PPP1CC: variants seen among roughly 807,000 people sequenced by gnomAD.
PPP1CC encodes protein phosphatase 1 catalytic subunit gamma, also known as serine/threonine-protein phosphatase PP1-gamma catalytic subunit.
PPP1CC carries 16 observed loss-of-function variants against 38.4 expected under a neutral mutation model. The ratio of observed to expected loss-of-function variants is 0.42; its 90% confidence interval spans 0.28 to 0.63. The LOEUF (loss-of-function observed/expected upper bound fraction) is 0.63. Among genes scored for constraint, PPP1CC ranks in the 30% least tolerant of loss-of-function variants. The pLI, the probability that PPP1CC is intolerant of heterozygous loss-of-function variation, is 0.25. For synonymous variants in PPP1CC, 158 were observed against 136.0 expected, an observed-to-expected ratio of 1.16 and a Z score of -1.13; for missense variants, 170 against 391.3, an observed-to-expected ratio of 0.43 and a Z score of 4.77.
chr12:110,709,044 A>T, the PPP1CC span, among the ~76,000 whole-genome samples: 2 of 152,012 alleles, frequency 1.3e-5, no homozygotes, highest in African/African-American at 2.4e-5. Context: ...TCTGTCAAAA[A>T]ATCACAACAC....
In PPP1CC at chr12:110,732,438, A is replaced by C. The variant is rs181390964; in HGVS notation, c.56-537T>G. ...GGAAAGAAAAGAAAAGAAAAGAAAC[A>C]GGATTGGAAATACTCAGAACCCTCC... is the stretch of plus-strand genomic sequence containing the variant. On this transcript the variant is annotated intron_variant, in intron 1 of 6. Coordinates refer to ENST00000335007, the MANE Select transcript of PPP1CC (RefSeq NM_002710.4). The C allele has an allele frequency of 6.4e-4, 98 of 153,926 alleles. 1 individual carries two copies. Among genetic ancestry groups the C allele is most frequent in the Non-Finnish European group, 1.1e-3 (79 of 69,284 alleles). The allele number at this position is 153,926 out of a possible 1,614,324, so 9.5% of individuals were successfully genotyped here. A position where few individuals can be genotyped will look rare whatever the true frequency, so the allele number is the denominator to read the frequency against.
At position 110,722,752 on chromosome 12, in the gene PPP1CC, C is replaced by A; in HGVS notation, c.524-57G>T. On this transcript the variant is annotated intron_variant, in intron 4 of 6. Transcript: ENST00000335007. The surrounding 1 kb of genome is among the most constrained non-coding windows in gnomAD (Gnocchi z 5.4). ...AAGCAGAACTTTTAAAAGGATACTA[C>A]CCCTTCAAAAGTTCCATTTGTCTAC... 1 of 1,333,556 alleles carries A rather than the reference C, an allele frequency of 7.5e-7. No homozygotes were observed. Among genetic ancestry groups the A allele is most frequent in the Non-Finnish European group, 1.0e-6 (1 of 976,378 alleles). The allele number at this position is 1,333,556 out of a possible 1,614,324, so 82.6% of individuals were successfully genotyped here. A position where few individuals can be genotyped will look rare whatever the true frequency, so the allele number is the denominator to read the frequency against.
chr12:110,737,118 C>T (rs1219098371), intron 1 of PPP1CC, among the ~76,000 whole-genome samples: 1 of 152,140 alleles, frequency 6.6e-6, no homozygotes, highest in Non-Finnish European at 1.5e-5. Flanking sequence ...ATACTTCCAA[C>T]ATTAAGCATT....
At chr12:110,729,472 C>T (rs1165537185) in intron 3 of PPP1CC, among the ~76,000 whole-genome samples, 1 of 152,160 alleles carries the variant, frequency 6.6e-6, no homozygotes, top group Non-Finnish European at 1.5e-5. Flanking sequence ...GGATTACAGG[C>T]GTGAGCCACT....
chr12:110,730,443 C>T (rs2069859260), intron 3 of PPP1CC, 86 bp downstream of exon 3: 2 of 1,098,680 alleles, frequency 1.8e-6, no homozygotes, highest in South Asian at 3.1e-5. Context: ...TAAACTCTCA[C>T]AATTCCTAAC....
intron 1 of PPP1CC, chr12:110,732,329 G>A (rs1367910767): frequency 1.5e-5 from 3 of 201,534 alleles, no homozygotes; most frequent in African/African-American, 4.6e-5. Context: ...CCCGGGAGGC[G>A]GAGGTTGCAG....
chr12:110,728,370 C>CA (rs1387562426), intron 3 of PPP1CC, among the ~76,000 whole-genome samples: 1 of 148,652 alleles, frequency 6.7e-6, no homozygotes, highest in Non-Finnish European at 1.5e-5. Flanking sequence ...TGCACTCCAG[C>CA]CTGGGCGACA....
chr12:110,741,736 CACTA>C (rs555051472), intron 1 of PPP1CC, among the ~76,000 whole-genome samples: 67 of 152,318 alleles, frequency 4.4e-4, no homozygotes, highest in African/African-American at 6.7e-4. Flanking sequence ...ATCCAACTGT[CACTA>C]ACTGTGTGAC....
intron 1 of PPP1CC, among the ~76,000 whole-genome samples, chr12:110,742,343 G>A (rs2070027030): frequency 1.3e-5 from 2 of 152,162 alleles, no homozygotes; most frequent in South Asian, 2.1e-4. Context: ...CAGTGCGCGG[G>A]GGCAAACGGG....
At chr12:110,729,352 G>A (rs937404047) in intron 3 of PPP1CC, among the ~76,000 whole-genome samples, 2 of 152,056 alleles carry the variant, frequency 1.3e-5, no homozygotes, top group Admixed American at 6.5e-5. Flanking sequence ...CTGCCACCAC[G>A]CCTGGCTAAT....
chr12:110,737,799 T>G (rs1239124320), intron 1 of PPP1CC, among the ~76,000 whole-genome samples: 1 of 151,648 alleles, frequency 6.6e-6, no homozygotes, highest in Non-Finnish European at 1.5e-5. Context: ...GAAAAAAAAA[T>G]TAGCCAGGTG....
chr12:110,714,310 T>C, the PPP1CC span, among the ~76,000 whole-genome samples: 1 of 152,030 alleles, frequency 6.6e-6, no homozygotes, highest in Non-Finnish European at 1.5e-5. Flanking sequence ...CCAATGGCCC[T>C]AGAACAGTGA....
At position 110,721,048 on chromosome 12, in the gene PPP1CC, T is replaced by C. The variant is rs1480386718; in HGVS notation, c.*28A>G. On this transcript the variant is annotated 3_prime_UTR_variant, in exon 7 of 7. Transcript: ENST00000335007. Reference sequence around the variant, plus strand: ...AAGGTTATATACTCTATGTTACAAGTCCCGACTAGGCAGTGTCAAAACGAC... The same window carrying C: ...AAGGTTATATACTCTATGTTACAAGCCCCGACTAGGCAGTGTCAAAACGAC... 1 of 1,595,490 alleles carries C rather than the reference T, an allele frequency of 6.3e-7. No homozygotes were observed. The highest frequency in any genetic ancestry group is 1.3e-5 in the African/African-American group (1 of 74,474).
In PPP1CC at chr12:110,719,688, T is replaced by C. The variant is rs2069716307; in HGVS notation, c.*1388A>G. ...AATGGTAGAGGAGGATCGTTCCACCTCATCACTCTATTACACAAATAGATG... is the reference window on the plus strand; with the variant it reads ...AATGGTAGAGGAGGATCGTTCCACCCCATCACTCTATTACACAAATAGATG... On this transcript the variant is annotated 3_prime_UTR_variant, in exon 7 of 7. Coordinates refer to ENST00000335007, the MANE Select transcript of PPP1CC (RefSeq NM_002710.4). 6.5e-6 allele frequency: 1 copy of C among 154,500 alleles called. No individual in the cohort carries two copies. Among genetic ancestry groups the C allele is most frequent in the Admixed American group, 6.5e-5 (1 of 15,500 alleles). 9.6% of individuals were successfully genotyped at this position (154,500 alleles called of 1,614,324 possible).
chr12:110,727,809 T>C (rs113317625), intron 3 of PPP1CC, among the ~76,000 whole-genome samples: 11 of 152,280 alleles, frequency 7.2e-5, no homozygotes, highest in African/African-American at 2.6e-4. Flanking sequence ...GGCACTTTCA[T>C]GCCCACAAGT....
Position 110,722,812 on chromosome 12 carries a change from A to C in PPP1CC, c.524-117T>G. On this transcript the variant is annotated intron_variant, in intron 4 of 6. Transcript: ENST00000335007. This position sits in a 1 kb window ranked among gnomAD's most constrained non-coding sequence, Gnocchi z 5.4. ...CAATAATCCTGACATAAAAACTGAAATCTATGATTATATTTTATTTACTTT... is the reference window on the plus strand; with the variant it reads ...CAATAATCCTGACATAAAAACTGAACTCTATGATTATATTTTATTTACTTT... The C allele has an allele frequency of 1.3e-6, 1 of 755,668 alleles. No homozygotes were observed. Among genetic ancestry groups the C allele is most frequent in the Non-Finnish European group, 2.1e-6 (1 of 483,694 alleles). 46.8% of individuals were successfully genotyped at this position (755,668 alleles called of 1,614,324 possible).
intron 3 of PPP1CC, 121 bp from the exon 4 acceptor site, chr12:110,724,885 T>G: frequency 1.9e-6 from 1 of 528,274 alleles, no homozygotes. Context: ...AATGAAACTA[T>G]GTTTTTATTA....
At chr12:110,715,522 G>T (rs2069680622), downstream of PPP1CC, among the ~76,000 whole-genome samples, 1 of 151,862 alleles carries the variant, frequency 6.6e-6, no homozygotes, top group Non-Finnish European at 1.5e-5. Context: ...TAGAGACGGG[G>T]TGTCACCATG....
chr12:110,736,868 G>C (rs2069949390), intron 1 of PPP1CC, among the ~76,000 whole-genome samples: 1 of 152,118 alleles, frequency 6.6e-6, no homozygotes, highest in Non-Finnish European at 1.5e-5. Flanking sequence ...ACATATTAAA[G>C]AAATAGCATA....
Sources: allele counts gnomAD v4.1 joint callset (sites outside exome capture counted in the v4.1 genomes callset), GRCh38; gene constraint gnomAD v4.1.1; non-coding constraint Gnocchi (gnomAD v3.1); transcripts MANE v1.5; gene names NCBI Gene and HGNC (gene_info 2026-07-23, HGNC 2026-07-21).